The following SNX22 variants were observed in gnomAD, a reference collection of about 807,000 sequenced individuals.
SNX22 encodes sorting nexin-22.
Under a neutral mutation model 24.7 loss-of-function variants are expected in SNX22, and 23 were observed. That is an observed-to-expected ratio of 0.93 (90% CI 0.67 to 1.32). The LOEUF (loss-of-function observed/expected upper bound fraction) is 1.32, where lower values mean the gene tolerates loss of function less well. Among genes scored for constraint, SNX22 ranks in the 40% most tolerant of loss-of-function variants. SNX22 has a pLI of 0.00. For missense variants in SNX22, 261 were observed against 249.9 expected (o/e 1.04, Z -0.30); for synonymous variants, 99 against 104.0 (o/e 0.95, Z 0.29).
intron 4 of SNX22, 140 bp from the exon 5 acceptor site, chr15:64,153,512 G>A (rs1460527944): frequency 6.7e-7 from 1 of 1,485,722 alleles, no homozygotes; most frequent in Non-Finnish European, 9.3e-7. Context: ...GGTTACCCCC[G>A]CCACCTCCGG....
chr15:64,154,262 G>C, intron 6 of SNX22, 125 bp from the exon 7 acceptor site: 1 of 1,579,626 alleles, frequency 6.3e-7, no homozygotes, highest in Non-Finnish European at 8.6e-7. Context: ...GGCTTCATTT[G>C]GGGTGGACAG....
chr15:64,153,923 G>A lies in SNX22; in HGVS notation c.393-12G>A, dbSNP rs371628479. 2.0e-5 allele frequency: 32 copies of A among 1,609,906 alleles called. No individual in the cohort carries two copies. The highest frequency in any genetic ancestry group is 2.6e-5 in the Non-Finnish European group (31 of 1,178,066). On this transcript the variant is annotated splice_polypyrimidine_tract_variant and intron_variant, in intron 5 of 6. Transcript: ENST00000325881. ...TCCCGCACCCATGGTTCATGACCCT[G>A]TTTCCTCCCAGCTCCCAGCAGCACC...
rs1430033863 is a variant in SNX22 at position 64,151,803 on chromosome 15, G to A, written c.28G>A (p.Gly10Arg). 12 of 1,538,248 alleles carry A rather than the reference G, an allele frequency of 7.8e-6. No individual in the cohort carries two copies. Among genetic ancestry groups the A allele is most frequent in the Non-Finnish European group, 1.0e-5 (12 of 1,144,362 alleles). MLEVHIPSVGPEAEGPRQSP... is the reference protein window; with the variant it reads MLEVHIPSVRPEAEGPRQSP... ...GCTGGAAGTTCACATCCCGTCGGTG[G>A]GGCCCGAGGCCGAGGGGCCCAGGCA... The change falls in exon 1 of 7, where the codon GGG becomes AGG. Residue 10 changes from glycine (G) to arginine (R), a missense_variant. Gly to Arg is a moderately radical substitution (Grantham distance 125). Transcript: ENST00000325881.
In SNX22 at chr15:64,153,262, C is replaced by T. The variant is rs1367762224; in HGVS notation, c.282C>T (p.Asn94=). The T allele has an allele frequency of 3.1e-6, 5 of 1,614,186 alleles. No homozygotes were observed. The South Asian group carries it at 3.3e-5, about 11-fold the overall frequency. The change falls in exon 4 of 7, where the codon AAC becomes AAT. Residue 94 remains asparagine (N), a synonymous_variant. Transcript: ENST00000325881. ...CTCTCCAGGGCATCCTGTACCTGAA[C>T]CAGGAGGTGCCCAAGGAGTTACTGG... ...EAYIQGILYL[N]QEVPKELLEF... is the part of the protein sequence containing the mutation.
In SNX22 at chr15:64,152,635, T is replaced by C. The variant is rs2081495460; in HGVS notation, c.160-3T>C. 1.2e-6 allele frequency: 2 copies of C among 1,613,694 alleles called. No homozygotes were observed. Among genetic ancestry groups the C allele is most frequent in the East Asian group, 2.2e-5 (1 of 44,886 alleles). On this transcript the variant is annotated splice_polypyrimidine_tract_variant and splice_region_variant and intron_variant, in intron 2 of 6. Transcript: ENST00000325881. Reference sequence around the variant, plus strand: ...GTGATCGCACGCGGTAAACCTCCAGTAGATCAAGAAGCTGTACAAAGTGCC... The same window carrying C: ...GTGATCGCACGCGGTAAACCTCCAGCAGATCAAGAAGCTGTACAAAGTGCC...
rs2081533428 is a variant in SNX22, at chr15:64,156,598, C to T, written c.*2090C>T. ...GTACAGGGTTTATTCTGGACAGGAG[C>T]ACTGGGCTGCATCTGTGGGTTGGGT... On this transcript the variant is annotated 3_prime_UTR_variant, in exon 7 of 7. Transcript: ENST00000325881. The surrounding 1 kb of genome is among the most constrained non-coding windows in gnomAD (Gnocchi z 6.4). 8.9e-7 allele frequency: 1 copy of T among 1,126,472 alleles called. No homozygotes were observed. The highest frequency in any genetic ancestry group is 1.4e-6 in the Non-Finnish European group (1 of 738,274). The allele number at this position is 1,126,472 out of a possible 1,614,324, so 69.8% of individuals were successfully genotyped here.
intron 5 of SNX22, 75 bp downstream of exon 5, chr15:64,153,759 C>G (rs11637718): frequency 0.062 from 99,411 of 1,605,638 alleles, 3,617 homozygotes; most frequent in South Asian, 0.11. Flanking sequence ...AGGCCTGCTG[C>G]CTGGGCCTGT....
rs1231823563 is a variant in SNX22 at position 64,157,275 on chromosome 15, A to AGGGTCG, written c.*2769_*2774dup. The AGGGTCG allele has an allele frequency of 3.4e-6, 1 of 298,460 alleles. No homozygotes were observed. Among genetic ancestry groups the AGGGTCG allele is most frequent in the Non-Finnish European group, 6.4e-6 (1 of 155,178 alleles). 18.5% of individuals were successfully genotyped at this position (298,460 alleles called of 1,614,324 possible). Reference sequence around the variant, plus strand: ...CCGTGCAGGATGCAGGGGAGTCAACAGGGTCGGAACTCTCCAGAAAAGGAG... The same window carrying AGGGTCG: ...CCGTGCAGGATGCAGGGGAGTCAACAGGGTCGGGGTCGGAACTCTCCAGAAAAGGAG... On this transcript the variant is annotated 3_prime_UTR_variant, in exon 7 of 7. Transcript: ENST00000325881. This position sits in a 1 kb window ranked among gnomAD's most constrained non-coding sequence, Gnocchi z 4.2.
In SNX22 at chr15:64,151,743, C is replaced by T. The variant is rs529070244; in HGVS notation, c.-33C>T. On this transcript the variant is annotated 5_prime_UTR_variant, in exon 1 of 7. Transcript: ENST00000325881. ...CTCCGGGAGAGTTAGGGCTCCGAGC[C>T]GAGCGCGCGGAGCAGCTGGGGCCGG... 1 of 1,521,848 alleles carries T rather than the reference C, an allele frequency of 6.6e-7. No homozygotes were observed. Among genetic ancestry groups the T allele is most frequent in the Non-Finnish European group, 8.8e-7 (1 of 1,137,408 alleles). The allele number at this position is 1,521,848 out of a possible 1,614,324, so 94.3% of individuals were successfully genotyped here.
chr15:64,156,607 G>T lies in SNX22; in HGVS notation c.*2099G>T. The T allele has an allele frequency of 8.2e-7, 1 of 1,216,096 alleles. No homozygotes were observed. The highest frequency in any genetic ancestry group is 1.2e-6 in the Non-Finnish European group (1 of 818,668). The allele number at this position is 1,216,096 out of a possible 1,614,324, so 75.3% of individuals were successfully genotyped here. A position where few individuals can be genotyped will look rare whatever the true frequency, so the allele number is the denominator to read the frequency against. ...TTATTCTGGACAGGAGCACTGGGCT[G>T]CATCTGTGGGTTGGGTCCTTTTGGG... On this transcript the variant is annotated 3_prime_UTR_variant, in exon 7 of 7. Transcript: ENST00000325881. This position sits in a 1 kb window ranked among gnomAD's most constrained non-coding sequence, Gnocchi z 6.4.
In SNX22 at chr15:64,155,954, A is replaced by G; in HGVS notation, c.*1446A>G. On this transcript the variant is annotated 3_prime_UTR_variant, in exon 7 of 7. Coordinates refer to ENST00000325881, the MANE Select transcript of SNX22 (RefSeq NM_024798.3). ...CAGATGCCAGCACCGGGGCCAGTGC[A>G]GCTCAGAGCCCTGTGGCGGACTACA... 1 of 1,611,564 alleles carries G rather than the reference A, an allele frequency of 6.2e-7. No individual in the cohort carries two copies. The highest frequency in any genetic ancestry group is 8.5e-7 in the Non-Finnish European group (1 of 1,179,078).
chr15:64,152,282 A>G lies in SNX22; in HGVS notation c.115A>G (p.Thr39Ala), dbSNP rs1037381035. 4.7e-6 allele frequency: 7 copies of G among 1,492,308 alleles called. No homozygotes were observed. The African/African-American group carries it at 1.0e-4, about 22-fold the overall frequency. The allele number at this position is 1,492,308 out of a possible 1,614,324, so 92.4% of individuals were successfully genotyped here. The change falls in exon 2 of 7, where the codon ACG becomes GCG. Residue 39 changes from threonine (T) to alanine (A), a missense_variant. Thr to Ala is a moderately conservative substitution (Grantham distance 58, BLOSUM62 0). Coordinates refer to ENST00000325881, the MANE Select transcript of SNX22 (RefSeq NM_024798.3). ...GGTGCTGTGCAGCGGGCGCAGACACACGGTGCCAAGGCGCTACAGCGAGTT... is the reference window on the plus strand; with the variant it reads ...GGTGCTGTGCAGCGGGCGCAGACACGCGGTGCCAAGGCGCTACAGCGAGTT... ...VEVLCSGRRH[T>A]VPRRYSEFHA...
At chr15:64,154,266 T>C in intron 6 of SNX22, 121 bp from the exon 7 acceptor site, 1 of 1,579,610 alleles carries the variant, frequency 6.3e-7, no homozygotes, top group African/African-American at 1.4e-5. Context: ...TCATTTGGGG[T>C]GGACAGCTGC....
At chr15:64,154,298 C>T in intron 6 of SNX22, 89 bp from the exon 7 acceptor site, 2 of 1,589,346 alleles carry the variant, frequency 1.3e-6, no homozygotes, top group Middle Eastern at 1.7e-4. Context: ...TTGGCAGGGG[C>T]TCCTACTCCC....
Position 64,152,239 on chromosome 15 carries a change from C to G in SNX22, c.76-4C>G. On this transcript the variant is annotated splice_polypyrimidine_tract_variant and splice_region_variant and intron_variant, in intron 1 of 6. Coordinates refer to ENST00000325881, the MANE Select transcript of SNX22 (RefSeq NM_024798.3). ...GCAGACCCGCTGCCCGCCCGCGCCG[C>G]CAGGTGTTCCGAGTGGAGGTGCTGT... 2.9e-6 allele frequency: 4 copies of G among 1,401,610 alleles called. No homozygotes were observed. The highest frequency in any genetic ancestry group is 3.7e-6 in the Non-Finnish European group (4 of 1,088,500). The allele number at this position is 1,401,610 out of a possible 1,614,324, so 86.8% of individuals were successfully genotyped here. A position where few individuals can be genotyped will look rare whatever the true frequency, so the allele number is the denominator to read the frequency against.
In SNX22 at chr15:64,154,413, G is replaced by A. The variant is rs367874523; in HGVS notation, c.487G>A (p.Gly163Ser). Residue 163 changes from glycine to serine, a missense_variant, in exon 7 of 7, where the codon GGT (glycine) becomes AGT (serine). By Grantham distance (56) the Gly-to-Ser change is moderately conservative (BLOSUM62 0). Transcript: ENST00000325881. ...GTCGCTGCCCAACGTGGTGGTGAAT[G>A]GTGTGCTCCAGGGCCTCTACAGCTT... The part of the protein sequence containing the change: ...PESLPNVVVN[G>S]VLQGLYSFSI... 6 of 1,614,026 alleles carry A rather than the reference G, an allele frequency of 3.7e-6. No individual in the cohort carries two copies. Among genetic ancestry groups the A allele is most frequent in the Non-Finnish European group, 5.1e-6 (6 of 1,180,028 alleles).
At chr15:64,152,094 G>A in intron 1 of SNX22, 149 bp from the exon 2 acceptor site, 1 of 843,104 alleles carries the variant, frequency 1.2e-6, no homozygotes, top group Non-Finnish European at 1.7e-6. Context: ...CCAGGTGTGC[G>A]GGAGCGGAGA....
chr15:64,154,604 G>A lies in SNX22; in HGVS notation c.*96G>A. ...TGGGTCCTCCTTTGGCCTGGACCCA[G>A]GACTTAATTACCCAGTGCCCAGTTG... On this transcript the variant is annotated 3_prime_UTR_variant, in exon 7 of 7. Coordinates refer to ENST00000325881, the MANE Select transcript of SNX22 (RefSeq NM_024798.3). The A allele has an allele frequency of 1.3e-6, 2 of 1,488,348 alleles. No homozygotes were observed. Among genetic ancestry groups the A allele is most frequent in the Non-Finnish European group, 1.8e-6 (2 of 1,099,216 alleles). 92.2% of individuals were successfully genotyped at this position (1,488,348 alleles called of 1,614,324 possible).
In SNX22 at chr15:64,156,039, G is replaced by A; in HGVS notation, c.*1531G>A. 1 of 1,614,202 alleles carries A rather than the reference G, an allele frequency of 6.2e-7. No individual in the cohort carries two copies. The highest frequency in any genetic ancestry group is 8.5e-7 in the Non-Finnish European group (1 of 1,180,028). The stretch of plus-strand genomic sequence containing the variant: ...CCCTGTGCCCTACTCCTTGGCGATG[G>A]CAAAGGGCTTCTCCACCTCGATCTT... On this transcript the variant is annotated 3_prime_UTR_variant, in exon 7 of 7. Coordinates refer to ENST00000325881, the MANE Select transcript of SNX22 (RefSeq NM_024798.3). The surrounding 1 kb of genome is among the most constrained non-coding windows in gnomAD (Gnocchi z 6.4).
Sources: allele counts gnomAD v4.1 joint callset, GRCh38; gene constraint gnomAD v4.1.1; non-coding constraint Gnocchi (gnomAD v3.1); transcripts MANE v1.5; gene names NCBI Gene and HGNC (gene_info 2026-07-23, HGNC 2026-07-21).